Variants in UNC13B observed in about 807,000 individuals in gnomAD.
The protein encoded by UNC13B is protein unc-13 homolog B.
A neutral mutation model predicts 211.0 loss-of-function variants in UNC13B; 144 were observed. That is an observed-to-expected ratio of 0.68 (90% CI 0.60 to 0.78). The LOEUF is 0.78. UNC13B is among the 30% of genes least tolerant of loss of function. UNC13B has a pLI of 0.00. For missense variants in UNC13B, 1,777 were observed against 2,002.0 expected (o/e 0.89, Z 2.14); for synonymous variants, 709 against 725.8 (o/e 0.98, Z 0.37).
Position 35,305,636 on chromosome 9 carries a change from G to T in UNC13B, c.6232G>T (p.Asp2078Tyr). 2.5e-6 allele frequency: 1 copy of T among 398,972 alleles called. No homozygotes were observed. Among genetic ancestry groups the T allele is most frequent in the South Asian group, 1.3e-4 (1 of 7,838 alleles). The allele number at this position is 398,972 out of a possible 1,614,324, so 24.7% of individuals were successfully genotyped here. A position where few individuals can be genotyped will look rare whatever the true frequency, so the allele number is the denominator to read the frequency against. ...DLTEKEVPFR[D>Y]HLIQQSPNSS... is the part of the protein sequence containing the mutation. ...GACTGAAAAAGAGGTACCATTCAGA[G>T]ACCATCTAATCCAGCAGTCACCTAA... Residue 2078 changes from aspartate (D) to tyrosine (Y), a missense_variant, in exon 9 of 40, where the codon GAC (aspartate) becomes TAC (tyrosine). Asp to Tyr is a radical substitution (Grantham distance 160, BLOSUM62 -3). Transcript: ENST00000635942.
At chr9:35,384,408 G>A (rs1835054558) in intron 22 of UNC13B, 94 bp downstream of exon 22, 1 of 1,522,856 alleles carries the variant, frequency 6.6e-7, no homozygotes, top group South Asian at 1.3e-5. Context: ...ATTGAGGCCA[G>A]GGAAAACTGG....
chr9:35,401,995 C>T (rs866769411), intron 37 of UNC13B: 11 of 1,550,652 alleles, frequency 7.1e-6, no homozygotes, highest in Middle Eastern at 1.7e-4. Context: ...TGAGGACATT[C>T]GTCCGGAAAA....
intron 12 of UNC13B, among the ~76,000 whole-genome samples, chr9:35,368,179 A>G (rs1833895451): frequency 6.6e-6 from 1 of 152,148 alleles, no homozygotes; most frequent in Non-Finnish European, 1.5e-5. Context: ...TACTATAACA[A>G]TAGTTATTTT....
At position 35,307,680 on chromosome 9, in the gene UNC13B, C is replaced by A; in HGVS notation, c.8276C>A (p.Ser2759Ter). 2.5e-6 allele frequency: 1 copy of A among 399,066 alleles called. No homozygotes were observed. Among genetic ancestry groups the A allele is most frequent in the South Asian group, 1.3e-4 (1 of 7,850 alleles). 24.7% of individuals were successfully genotyped at this position (399,066 alleles called of 1,614,324 possible). A position where few individuals can be genotyped will look rare whatever the true frequency, so the allele number is the denominator to read the frequency against. The change falls in exon 9 of 40, where the codon TCA becomes TAA. Residue 2759 changes from serine (S) to a stop codon, truncating the protein, a stop_gained. Transcript: ENST00000635942. LOFTEE classifies it high-confidence loss of function. ...GTAGTACCCCAGGAAACAGAGCAGT[C>A]AAGACCACGTTTTGAGATCCCAAAT... ...PPVVPQETEQ[S>*]RPRFEIPNVT...
chr9:35,398,361 T>A, intron 31 of UNC13B, 73 bp downstream of exon 31: 2 of 1,520,726 alleles, frequency 1.3e-6, no homozygotes, highest in Non-Finnish European at 1.8e-6. Flanking sequence ...AACTCCACCC[T>A]CTCTTAACTA....
intron 1 of UNC13B, among the ~76,000 whole-genome samples, chr9:35,224,133 G>T (rs1824710942): frequency 6.6e-6 from 1 of 151,962 alleles, no homozygotes; most frequent in African/African-American, 2.4e-5. Context: ...GACTATCCAG[G>T]GTCTTTTGTG....
chr9:35,331,780 T>G (rs1048845473), intron 11 of UNC13B, among the ~76,000 whole-genome samples: 5 of 152,218 alleles, frequency 3.3e-5, no homozygotes, highest in Non-Finnish European at 7.3e-5. Flanking sequence ...TCCTATTTTC[T>G]TCTATTATTC....
At chr9:35,390,861 C>G (rs1554714655) in intron 26 of UNC13B, 147 bp downstream of exon 26, 5 of 787,048 alleles carry the variant, frequency 6.4e-6, no homozygotes, top group African/African-American at 1.8e-5. Flanking sequence ...GGGATGTAGG[C>G]CCCGGGAGAC....
At chr9:35,395,780 G>A (rs1321997696) in intron 26 of UNC13B, among the ~76,000 whole-genome samples, 11 of 152,152 alleles carry the variant, frequency 7.2e-5, no homozygotes, top group East Asian at 1.9e-4. Flanking sequence ...TTTCAAATTC[G>A]TAGTAAGTGC....
chr9:35,336,672 C>T (rs931697838), intron 11 of UNC13B, among the ~76,000 whole-genome samples: 1 of 151,950 alleles, frequency 6.6e-6, no homozygotes, highest in Non-Finnish European at 1.5e-5. Context: ...CTGTGGGCCT[C>T]TTTTATAAAG....
intron 1 of UNC13B, among the ~76,000 whole-genome samples, chr9:35,190,459 A>G (rs1822591442): frequency 6.6e-6 from 1 of 152,206 alleles, no homozygotes; most frequent in Admixed American, 6.5e-5. Flanking sequence ...CAGATAACAC[A>G]ATGCAAAACA....
At chr9:35,241,741 C>T (rs997993663) in intron 5 of UNC13B, among the ~76,000 whole-genome samples, 8 of 152,214 alleles carry the variant, frequency 5.3e-5, no homozygotes, top group African/African-American at 1.9e-4. Flanking sequence ...TGCCACCTTG[C>T]ACTTCCCACT....
intron 8 of UNC13B, among the ~76,000 whole-genome samples, chr9:35,297,528 C>G (rs1313318803): frequency 7.2e-6 from 1 of 139,392 alleles, no homozygotes; most frequent in African/African-American, 2.7e-5. Flanking sequence ...CACATGCATT[C>G]AGGAAGCACA....
At chr9:35,333,536 T>C (rs578261404) in intron 11 of UNC13B, among the ~76,000 whole-genome samples, 10 of 152,352 alleles carry the variant, frequency 6.6e-5, no homozygotes, top group Admixed American at 2.0e-4. Flanking sequence ...TATCCTTTTC[T>C]TTCCAACGCC....
At chr9:35,298,482 A>G (rs1829506507) in intron 8 of UNC13B, among the ~76,000 whole-genome samples, 1 of 152,124 alleles carries the variant, frequency 6.6e-6, no homozygotes, top group South Asian at 2.1e-4. Context: ...CCACCTCACC[A>G]AACTGCTACA....
At chr9:35,370,504 A>G in intron 13 of UNC13B, 108 bp downstream of exon 13, 1 of 996,570 alleles carries the variant, frequency 1.0e-6, no homozygotes, top group Non-Finnish European at 1.5e-6. Context: ...ACTCAAATTG[A>G]TCTGATGATC....
At chr9:35,388,407 C>CA (rs901369318) in intron 24 of UNC13B, among the ~76,000 whole-genome samples, 8 of 149,064 alleles carry the variant, frequency 5.4e-5, no homozygotes, top group East Asian at 2.0e-4. Context: ...GACTCCGTCT[C>CA]AAAAAAAAAG....
At chr9:35,246,708 A>G (rs1408605382) in intron 6 of UNC13B, among the ~76,000 whole-genome samples, 7 of 152,070 alleles carry the variant, frequency 4.6e-5, no homozygotes, top group African/African-American at 1.7e-4. Flanking sequence ...CCATTGATCT[A>G]TATCTCTGTT....
intron 20 of UNC13B, among the ~76,000 whole-genome samples, 163 bp downstream of exon 20, chr9:35,381,882 G>A (rs748531267): frequency 5.3e-5 from 8 of 152,094 alleles, no homozygotes; most frequent in Non-Finnish European, 1.0e-4. Context: ...AGACAAGAAG[G>A]GTATATGTAG....
Sources: allele counts gnomAD v4.1 joint callset (sites outside exome capture counted in the v4.1 genomes callset), GRCh38; gene constraint gnomAD v4.1.1; transcripts MANE v1.5; gene names NCBI Gene and HGNC (gene_info 2026-07-23, HGNC 2026-07-21).